The following DST variants were observed in gnomAD, a reference collection of about 807,000 sequenced individuals.
DST encodes the protein bullous pemphigoid antigen.
Under a neutral mutation model 875.2 loss-of-function variants are expected in DST, and 253 were observed. That is an observed-to-expected ratio of 0.29 (90% CI 0.26 to 0.32). The LOEUF is 0.32. Among genes scored for constraint, DST ranks in the 10% least tolerant of loss-of-function variants. DST has a pLI of 1.00. For synonymous variants in DST, 3,124 were observed against 3,197.1 expected, an observed-to-expected ratio of 0.98 and a Z score of 0.77; for missense variants, 8,287 against 9,111.6, an observed-to-expected ratio of 0.91 and a Z score of 3.68.
At chr6:56,789,270 G>A (rs1026496653) in intron 4 of DST, among the ~76,000 whole-genome samples, 1 of 152,062 alleles carries the variant, frequency 6.6e-6, no homozygotes, top group Non-Finnish European at 1.5e-5. Context: ...GGAGTTCAAG[G>A]TGACAGTAAG....
Position 56,631,257 on chromosome 6 carries a change from G to T in DST, c.4096C>A (p.Gln1366Lys). 2 of 1,613,862 alleles carry T rather than the reference G, an allele frequency of 1.2e-6. No homozygotes were observed. The highest frequency in any genetic ancestry group is 1.7e-6 in the Non-Finnish European group (2 of 1,179,856). ...TLRSELNVVL[Q>K]NMNQVYSMSS... is the part of the protein sequence containing the mutation. ...ATAGAATAGACTTGGTTCATGTTCT[G>T]AAGGACCACATTAAGCTCTGATCGT... is the stretch of plus-strand genomic sequence containing the variant. Residue 1366 changes from glutamine (Q) to lysine (K), a missense_variant, in exon 30 of 104, where the codon CAG (glutamine) becomes AAG (lysine). Coordinates refer to ENST00000680361, the MANE Select transcript of DST (RefSeq NM_001374736.1).
intron 36 of DST, chr6:56,615,196 G>A: frequency 1.7e-6 from 2 of 1,164,130 alleles, no homozygotes; most frequent in Non-Finnish European, 1.1e-6. Flanking sequence ...ATGAAGGGGA[G>A]TTCTGAAGAA....
chr6:56,784,950 G>A (rs983583796), intron 4 of DST, among the ~76,000 whole-genome samples: 4 of 152,172 alleles, frequency 2.6e-5, no homozygotes, highest in African/African-American at 9.7e-5. Flanking sequence ...TAACAGACAG[G>A]ACCCTCAGCT....
Position 56,535,162 on chromosome 6 carries a change from G to C in DST, c.16901C>G (p.Ala5634Gly). ...ELVANQKPPS[A>G]EFKVVKAQIQ... ...CTGGGCCTTTACCACTTTGAACTCA[G>C]CCGACGGGGGCTTCTGATTGGCCAC... Residue 5634 changes from alanine (A) to glycine (G), a missense_variant, in exon 63 of 104, where the codon GCT becomes GGT. Around this residue, in one of 10 missense-constraint regions of DST, gnomAD observed 777 missense variants for 764.8 expected, o/e 1.02. Coordinates refer to ENST00000680361, the MANE Select transcript of DST (RefSeq NM_001374736.1). The C allele has an allele frequency of 6.2e-7, 1 of 1,613,796 alleles. No individual in the cohort carries two copies. The highest frequency in any genetic ancestry group is 8.5e-7 in the Non-Finnish European group (1 of 1,179,818).
At chr6:56,631,488 A>C (rs2098779504) in intron 29 of DST, 99 bp from the exon 30 acceptor site, 2 of 942,476 alleles carry the variant, frequency 2.1e-6, no homozygotes, top group Non-Finnish European at 3.3e-6. Flanking sequence ...TTAAGAACCA[A>C]TGACTTAGAA....
Position 56,594,211 on chromosome 6 carries a change from G to T in DST, c.12196-18C>A. 1 of 1,503,598 alleles carries T rather than the reference G, an allele frequency of 6.7e-7. No individual in the cohort carries two copies. The highest frequency in any genetic ancestry group is 1.4e-5 in the South Asian group (1 of 72,346). 93.1% of individuals were successfully genotyped at this position (1,503,598 alleles called of 1,614,324 possible). On this transcript the variant is annotated intron_variant, in intron 47 of 103. Transcript: ENST00000680361. ...TGTTGGGCCTATGTGAAAACAAATT[G>T]ATCATAATCTTCAAGCAGTAACGGG...
intron 2 of DST, among the ~76,000 whole-genome samples, chr6:56,926,730 C>T (rs1807300435): frequency 6.6e-6 from 1 of 151,268 alleles, no homozygotes; most frequent in Non-Finnish European, 1.5e-5. Context: ...AGACTGAAGG[C>T]TCTCTAAGGT....
chr6:56,625,981 A>AAC (rs1214470149), intron 34 of DST, among the ~76,000 whole-genome samples: 2 of 151,294 alleles, frequency 1.3e-5, no homozygotes, highest in African/African-American at 4.8e-5. Context: ...GTAAAAAAAA[A>AAC]AAAAAAAAAC....
In DST at chr6:56,475,394, A is replaced by AACACACACACAC. The variant is rs35690052; in HGVS notation, c.21864+743_21864+754dup. Among the ~76,000 whole-genome samples the AACACACACACAC allele has an allele frequency of 9.1e-3, 1,314 of 144,956 alleles. 25 individuals carry two copies. The highest frequency in any genetic ancestry group is 0.032 in the African/African-American group (1,228 of 38,546). The stretch of plus-strand genomic sequence containing the variant: ...CATTGATGTCTTATTAGGCTTTTAA[A>AACACACACACAC]ACACACACACACACACACACACACA... On this transcript the variant is annotated intron_variant, in intron 92 of 103. Coordinates refer to ENST00000680361, the MANE Select transcript of DST (RefSeq NM_001374736.1).
chr6:56,667,407 T>C (rs988016186), intron 10 of DST, among the ~76,000 whole-genome samples: 5 of 152,324 alleles, frequency 3.3e-5, no homozygotes, highest in Admixed American at 6.5e-5. Flanking sequence ...AATTTTCTTT[T>C]CAAGTAAAGA....
Position 56,553,289 on chromosome 6 carries a change from G to A in DST, c.15503C>T (p.Ala5168Val). 1 of 1,613,482 alleles carries A rather than the reference G, an allele frequency of 6.2e-7. No individual in the cohort carries two copies. Among genetic ancestry groups the A allele is most frequent in the South Asian group, 1.1e-5 (1 of 91,030 alleles). The change falls in exon 61 of 104, where the codon GCC (alanine) becomes GTC (valine). Residue 5168 changes from alanine (A) to valine (V), a missense_variant. By Grantham distance (64) the Ala-to-Val change is moderately conservative. Transcript: ENST00000680361. ...ENKLKESLEK[A>V]LKYKEQVETL... is the part of the protein sequence containing the mutation. ...CTCTACTTGCTCTTTATACTTAAGG[G>A]CTTTTTCCAATGACTCTTTTAACTT... is the stretch of plus-strand genomic sequence containing the variant.
chr6:56,658,057 C>A (rs924127625), intron 10 of DST, among the ~76,000 whole-genome samples: 4 of 151,570 alleles, frequency 2.6e-5, no homozygotes, highest in East Asian at 1.9e-4. Context: ...TGAGACACTG[C>A]GCCTGGCCGT....
chr6:56,489,461 C>A, intron 86 of DST, 29 bp downstream of exon 86: 1 of 1,598,992 alleles, frequency 6.3e-7, no homozygotes, highest in Non-Finnish European at 8.5e-7. Flanking sequence ...TATAATGAGA[C>A]AATATGCTCT....
At chr6:56,704,806 T>C (rs542680223) in intron 5 of DST, among the ~76,000 whole-genome samples, 11 of 152,196 alleles carry the variant, frequency 7.2e-5, no homozygotes, top group Admixed American at 4.6e-4. Flanking sequence ...TAGAAATCCA[T>C]AGACGTGAGC....
intron 3 of DST, among the ~76,000 whole-genome samples, chr6:56,899,915 G>A (rs760593074): frequency 1.3e-5 from 2 of 152,210 alleles, no homozygotes; most frequent in Admixed American, 6.5e-5. Flanking sequence ...CCACACCTGA[G>A]AAGGCCAGGA....
At chr6:56,835,522 T>G (rs956547943) in intron 4 of DST, among the ~76,000 whole-genome samples, 1 of 152,180 alleles carries the variant, frequency 6.6e-6, no homozygotes, top group Non-Finnish European at 1.5e-5. Context: ...TAAAAAATAA[T>G]GTGTGCATTT....
chr6:56,753,639 T>C (rs953660124), intron 4 of DST, among the ~76,000 whole-genome samples: 1 of 152,208 alleles, frequency 6.6e-6, no homozygotes, highest in Non-Finnish European at 1.5e-5. Flanking sequence ...TCCTGCAATC[T>C]AGTAATGGCA....
intron 61 of DST, among the ~76,000 whole-genome samples, chr6:56,539,054 T>G (rs2097071741): frequency 6.6e-6 from 1 of 152,184 alleles, no homozygotes; most frequent in African/African-American, 2.4e-5. Context: ...CTGCTACCTT[T>G]TAAATTCCAG....
chr6:56,910,035 T>C (rs951275738), intron 2 of DST, among the ~76,000 whole-genome samples: 3 of 152,346 alleles, frequency 2.0e-5, no homozygotes, highest in Admixed American at 1.3e-4. Flanking sequence ...TAAAGGAAAG[T>C]GGGGCAAAAT....
Sources: allele counts gnomAD v4.1 joint callset (sites outside exome capture counted in the v4.1 genomes callset), GRCh38; gene constraint gnomAD v4.1.1; regional missense constraint gnomAD v4.1.1; transcripts MANE v1.5; gene names NCBI Gene and HGNC (gene_info 2026-07-23, HGNC 2026-07-21).